ZNF71: variants seen among roughly 807,000 people sequenced by gnomAD.
ZNF71 encodes zinc finger protein 71.
A neutral mutation model predicts 6.7 loss-of-function variants in ZNF71; 3 were observed. The observed-to-expected ratio is 0.45, with a 90% CI of 0.20 to 1.16. ZNF71 has a LOEUF of 1.16. Among genes scored for constraint, ZNF71 ranks in the 50% most tolerant of loss-of-function variants. The pLI, the probability that ZNF71 is intolerant of heterozygous loss-of-function variation, is 0.25. For synonymous variants in ZNF71, 343 were observed against 311.1 expected, an observed-to-expected ratio of 1.10 and a Z score of -1.08; for missense variants, 688 against 728.6, an observed-to-expected ratio of 0.94 and a Z score of 0.64.
intron 2 of ZNF71, among the ~76,000 whole-genome samples, chr19:56,604,328 A>G (rs1036571964): frequency 3.3e-5 from 5 of 152,162 alleles, no homozygotes; most frequent in Non-Finnish European, 7.4e-5. Context: ...AGTAGTTTAA[A>G]TTTTTAGAAA....
rs775924066 is a variant in ZNF71, at chr19:56,622,387, C to A, written c.1280C>A (p.Ser427Tyr). Residue 427 changes from serine to tyrosine, a missense_variant, in exon 4 of 4, where the codon TCC becomes TAC. Physicochemically the swap from Ser to Tyr is moderately radical, Grantham distance 144 (BLOSUM62 -2). Coordinates refer to ENST00000599599, the MANE Select transcript of ZNF71 (RefSeq NM_001370215.1). ...SECGKAFSKNSSLTQHQRIHT... is the reference protein window; with the variant it reads ...SECGKAFSKNYSLTQHQRIHT... ...TGCGGCAAGGCCTTCAGCAAGAACT[C>A]CTCGCTCACGCAGCACCAGCGCATC... The A allele has an allele frequency of 5.6e-6, 9 of 1,613,466 alleles. No homozygotes were observed. The East Asian group carries it at 8.9e-5, about 16-fold the overall frequency.
rs890205938 is a variant in ZNF71, at chr19:56,613,945, G to A, written c.160+7G>A. 1.2e-5 allele frequency: 13 copies of A among 1,068,596 alleles called. No homozygotes were observed. The highest frequency in any genetic ancestry group is 1.5e-5 in the Non-Finnish European group (13 of 864,816). 66.2% of individuals were successfully genotyped at this position (1,068,596 alleles called of 1,614,324 possible). A position where few individuals can be genotyped will look rare whatever the true frequency, so the allele number is the denominator to read the frequency against. On this transcript the variant is annotated splice_region_variant and intron_variant, in intron 3 of 3. Coordinates refer to ENST00000599599, the MANE Select transcript of ZNF71 (RefSeq NM_001370215.1). The surrounding 1 kb of genome is among the most constrained non-coding windows in gnomAD (Gnocchi z 4.6). ...AGGAACCTGGTCTCACTGGGTAAGG[G>A]GCAGCTTCGTTGAGTTACTCATCAT... is the stretch of plus-strand genomic sequence containing the variant.
chr19:56,617,172 A>C (rs190429324), intron 3 of ZNF71, among the ~76,000 whole-genome samples: 1 of 145,308 alleles, frequency 6.9e-6, no homozygotes, highest in Non-Finnish European at 1.5e-5. Context: ...GTGCAGTGGC[A>C]TGATCAGAGC....
chr19:56,613,836 A>G lies in ZNF71; in HGVS notation c.58A>G (p.Thr20Ala). The change falls in exon 3 of 4, where the codon ACT becomes GCT. Residue 20 changes from threonine (T) to alanine (A), a missense_variant. Coordinates refer to ENST00000599599, the MANE Select transcript of ZNF71 (RefSeq NM_001370215.1). This position sits in a 1 kb window ranked among gnomAD's most constrained non-coding sequence, Gnocchi z 4.6. ...ALESVTFRDVTVDFTQEEWQQ... is the reference protein window; with the variant it reads ...ALESVTFRDVAVDFTQEEWQQ... Reference sequence around the variant, plus strand: ...GGAATCAGTGACGTTCAGGGATGTGACTGTGGACTTCACCCAGGAGGAGTG... The same window carrying G: ...GGAATCAGTGACGTTCAGGGATGTGGCTGTGGACTTCACCCAGGAGGAGTG... 1 of 1,123,258 alleles carries G rather than the reference A, an allele frequency of 8.9e-7. No individual in the cohort carries two copies. The highest frequency in any genetic ancestry group is 1.1e-6 in the Non-Finnish European group (1 of 899,530). The allele number at this position is 1,123,258 out of a possible 1,614,324, so 69.6% of individuals were successfully genotyped here.
chr19:56,613,793 T>C lies in ZNF71; in HGVS notation c.34-19T>C. ...TAAGGAGGGCCCTGCGATGAGCGGA[T>C]GTGGGTTTCCTCTTACAGGAATCAG... On this transcript the variant is annotated intron_variant, in intron 2 of 3. Transcript: ENST00000599599. This position sits in a 1 kb window ranked among gnomAD's most constrained non-coding sequence, Gnocchi z 4.6. 9.2e-7 allele frequency: 1 copy of C among 1,088,296 alleles called. No individual in the cohort carries two copies. 67.4% of individuals were successfully genotyped at this position (1,088,296 alleles called of 1,614,324 possible).
intron 2 of ZNF71, among the ~76,000 whole-genome samples, chr19:56,604,747 G>A (rs1307439014): frequency 1.3e-5 from 2 of 152,194 alleles, no homozygotes; most frequent in Non-Finnish European, 2.9e-5. Flanking sequence ...GCTATCTTGA[G>A]CCCAAGCCCC....
At chr19:56,602,049 T>A (rs1421586742) in intron 2 of ZNF71, among the ~76,000 whole-genome samples, 1 of 152,290 alleles carries the variant, frequency 6.6e-6, no homozygotes, top group East Asian at 1.9e-4. Flanking sequence ...AATGTTTGAG[T>A]CTGGCTAAGC....
chr19:56,614,176 C>A (rs906184308), intron 3 of ZNF71, among the ~76,000 whole-genome samples: 1 of 152,000 alleles, frequency 6.6e-6, no homozygotes, highest in Non-Finnish European at 1.5e-5. Context: ...AAAGACTAAG[C>A]GAATAATAGA....
intron 2 of ZNF71, among the ~76,000 whole-genome samples, chr19:56,612,322 A>G (rs934329451): frequency 6.6e-6 from 1 of 152,176 alleles, no homozygotes; most frequent in African/African-American, 2.4e-5. Flanking sequence ...ATGAATAAGG[A>G]AAGTGCCCAT....
intron 1 of ZNF71, 63 bp from the exon 2 acceptor site, chr19:56,601,444 A>G (rs528246305): frequency 1.1e-3 from 695 of 641,182 alleles, no homozygotes; most frequent in African/African-American, 1.2e-3. Context: ...TGTCCTGTCT[A>G]CATTTGTGAG....
rs200131241 is a variant in ZNF71 at position 56,617,107 on chromosome 19, C to CTT, written c.160+3172_160+3173dup. ...TAAGATTACAGGAGACTTCCATTTT[C>CTT]TTTTGTTTTTTTTTGTTTTTTTTGA... is the stretch of plus-strand genomic sequence containing the variant. On this transcript the variant is annotated intron_variant, in intron 3 of 3. Coordinates refer to ENST00000599599, the MANE Select transcript of ZNF71 (RefSeq NM_001370215.1). Among the ~76,000 whole-genome samples the CTT allele has an allele frequency of 8.7e-4, 102 of 117,132 alleles. 1 individual carries two copies. The highest frequency in any genetic ancestry group is 5.6e-3 in the East Asian group (17 of 3,038). The allele number at this position is 117,132 out of a possible 152,430, so 76.8% of individuals were successfully genotyped here.
At chr19:56,599,156 T>C (rs976133103) in intron 1 of ZNF71, among the ~76,000 whole-genome samples, 6 of 152,164 alleles carry the variant, frequency 3.9e-5, no homozygotes, top group African/African-American at 1.4e-4. Flanking sequence ...TGTTTCTGTT[T>C]ATAGCAGAAG....
At chr19:56,600,871 G>A (rs987929593) in intron 1 of ZNF71, among the ~76,000 whole-genome samples, 58 of 152,256 alleles carry the variant, frequency 3.8e-4, no homozygotes, top group South Asian at 4.1e-4. Flanking sequence ...GGCGAATCTG[G>A]CTCTGAGAGC....
intron 3 of ZNF71, among the ~76,000 whole-genome samples, chr19:56,617,805 G>A (rs1336093285): frequency 6.6e-6 from 1 of 152,136 alleles, no homozygotes; most frequent in African/African-American, 2.4e-5. Context: ...AGAAAGGGAG[G>A]TGGCTTCCTC....
chr19:56,601,142 A>G (rs1324725841), intron 1 of ZNF71, among the ~76,000 whole-genome samples: 1 of 151,658 alleles, frequency 6.6e-6, no homozygotes. Context: ...ATGGGAGTGC[A>G]TCTGTGAGGC....
intron 2 of ZNF71, among the ~76,000 whole-genome samples, chr19:56,602,674 C>G (rs1254007275): frequency 6.6e-6 from 1 of 152,190 alleles, no homozygotes; most frequent in Non-Finnish European, 1.5e-5. Flanking sequence ...GGGAAATGAT[C>G]CATCTTGTGC....
intron 2 of ZNF71, among the ~76,000 whole-genome samples, chr19:56,608,723 C>A (rs1334011207): frequency 6.6e-6 from 1 of 152,168 alleles, no homozygotes; most frequent in Non-Finnish European, 1.5e-5. Context: ...TGCCAACACA[C>A]ACACACACAC....
intron 3 of ZNF71, among the ~76,000 whole-genome samples, chr19:56,617,112 G>GTTTGT (rs1555776019): frequency 5.7e-5 from 8 of 140,644 alleles, no homozygotes; most frequent in African/African-American, 2.3e-4. Flanking sequence ...ATTTTCTTTT[G>GTTTGT]TTTTTTTTTG....
rs2044848411 is a variant in ZNF71 at position 56,621,542 on chromosome 19, C to T, written c.435C>T (p.Gly145=). 6.2e-7 allele frequency: 1 copy of T among 1,614,228 alleles called. No homozygotes were observed. Among genetic ancestry groups the T allele is most frequent in the South Asian group, 1.1e-5 (1 of 91,080 alleles). Residue 145 remains glycine, a synonymous_variant, in exon 4 of 4, where the codon GGC becomes GGT. Coordinates refer to ENST00000599599, the MANE Select transcript of ZNF71 (RefSeq NM_001370215.1). The part of the protein sequence containing the change: ...CHELKAFANQ[G]CVLVPPRLDD... Reference sequence around the variant, plus strand: ...AACTGAAGGCATTTGCCAACCAAGGCTGTGTCCTGGTCCCACCACGGCTGG... The same window carrying T: ...AACTGAAGGCATTTGCCAACCAAGGTTGTGTCCTGGTCCCACCACGGCTGG...
Sources: gnomAD v4.1 joint callset for allele counts (sites outside exome capture counted in the v4.1 genomes callset) on GRCh38, gnomAD v4.1.1 for gene constraint, Gnocchi (gnomAD v3.1) non-coding constraint, MANE v1.5 for transcripts, NCBI Gene and HGNC (gene_info 2026-07-23, HGNC 2026-07-21) for gene names.